LINGO1: variants seen among roughly 807,000 people sequenced by gnomAD.
LINGO1 encodes leucine rich repeat and Ig domain containing 1, also known as leucine-rich repeat and immunoglobulin-like domain-containing nogo receptor-interacting protein 1.
A neutral mutation model predicts 37.3 loss-of-function variants in LINGO1; 11 were observed. That is an observed-to-expected ratio of 0.29 (90% CI 0.19 to 0.49). The LOEUF is 0.49. Ranked by LOEUF, LINGO1 falls within the 20% of genes least tolerant of loss-of-function variation. The pLI, the probability that LINGO1 is intolerant of heterozygous loss-of-function variation, is 0.99. For synonymous variants in LINGO1, 387 were observed against 403.0 expected, an observed-to-expected ratio of 0.96 and a Z score of 0.48; for missense variants, 585 against 878.2, an observed-to-expected ratio of 0.67 and a Z score of 4.22.
chr15:77,714,799 C>T (rs995784930), intron 2 of LINGO1, among the ~76,000 whole-genome samples: 3 of 152,202 alleles, frequency 2.0e-5, no homozygotes, highest in Non-Finnish European at 4.4e-5. Context: ...CGTCTCTACG[C>T]GCCCACACAC....
intron 1 of LINGO1, among the ~76,000 whole-genome samples, chr15:77,807,467 C>T (rs1184346054): frequency 6.6e-6 from 1 of 152,198 alleles, no homozygotes; most frequent in African/African-American, 2.4e-5. Flanking sequence ...TTGCTTCAAA[C>T]GGATGTGCTC....
At chr15:77,628,416 A>T (rs571132455) in intron 1 of LINGO1, among the ~76,000 whole-genome samples, 24 of 152,374 alleles carry the variant, frequency 1.6e-4, no homozygotes, top group Non-Finnish European at 3.5e-4. Context: ...ATATAGATGA[A>T]GCTTAAATGT....
At chr15:77,716,188 C>T (rs2141301895) in intron 2 of LINGO1, among the ~76,000 whole-genome samples, 1 of 135,588 alleles carries the variant, frequency 7.4e-6, no homozygotes, top group Admixed American at 7.6e-5. Flanking sequence ...GATTTGTAGC[C>T]AGGCAGTGTG....
chr15:77,685,096 TGGGGAGTG>T (rs2075483037), intron 2 of LINGO1, among the ~76,000 whole-genome samples: 1 of 14,554 alleles, frequency 6.9e-5, no homozygotes, highest in Non-Finnish European at 1.3e-4. Context: ...GGGGTGGGTG[TGGGGAGTG>T]GGGGTAAGAG....
At position 77,669,767 on chromosome 15, in the gene LINGO1, C is replaced by T. The variant is rs143317626; in HGVS notation, c.-13+7322G>A. On this transcript the variant is annotated intron_variant, in intron 3 of 3. Transcript: ENST00000559893. The stretch of plus-strand genomic sequence containing the variant: ...GAGTGAAGGGGCAAAGATAATGCAA[C>T]AGCGAGTGGGCAGAACTCACAAACT... 1.3e-3 allele frequency among the ~76,000 whole-genome samples: 195 copies of T among 152,332 alleles called. 3 individuals are homozygous for T. Among genetic ancestry groups the T allele is most frequent in the Non-Finnish European group, 4.4e-4 (30 of 68,032 alleles).
In LINGO1 at chr15:77,614,121, C is replaced by A; in HGVS notation, c.1786G>T (p.Glu596Ter). The A allele has an allele frequency of 6.2e-7, 1 of 1,613,962 alleles. No homozygotes were observed. ...GCGTCCGACTTTCGGGGCACATACT[C>A]GATCTCGATGTTGTGCTTTGTGTTG... ...KGNTKHNIEI[E>*]YVPRKSDAGI... Residue 596 changes from glutamate (E) to a stop codon, truncating the protein, a stop_gained, in exon 2 of 2, where the codon GAG becomes TAG. Coordinates refer to ENST00000355300, the MANE Select transcript of LINGO1 (RefSeq NM_032808.7). LOFTEE classifies it high-confidence loss of function.
chr15:77,750,557 T>C (rs2076360907), intron 1 of LINGO1, among the ~76,000 whole-genome samples: 1 of 152,100 alleles, frequency 6.6e-6, no homozygotes, highest in South Asian at 2.1e-4. Flanking sequence ...TCTCTCCCTG[T>C]CTATCTCTCC....
At chr15:77,617,986 C>T (rs909898613) in intron 1 of LINGO1, among the ~76,000 whole-genome samples, 9 of 152,218 alleles carry the variant, frequency 5.9e-5, no homozygotes, top group African/African-American at 1.2e-4. Context: ...TCTCCCCACC[C>T]GACCCCCACC....
chr15:77,619,515 A>T (rs1339748334), intron 1 of LINGO1, among the ~76,000 whole-genome samples: 1 of 151,958 alleles, frequency 6.6e-6, no homozygotes, highest in Non-Finnish European at 1.5e-5. Context: ...TGAGATGCCC[A>T]TCTCCCACAG....
intron 2 of LINGO1, among the ~76,000 whole-genome samples, chr15:77,719,998 A>G (rs2076031739): frequency 1.3e-5 from 2 of 150,182 alleles, no homozygotes; most frequent in Admixed American, 1.3e-4. Flanking sequence ...CTATGCTCAA[A>G]GCTCTTGTTC....
At chr15:77,678,241 AC>A (rs1280466934) in intron 2 of LINGO1, among the ~76,000 whole-genome samples, 1 of 152,192 alleles carries the variant, frequency 6.6e-6, no homozygotes, top group Non-Finnish European at 1.5e-5. Flanking sequence ...ATGAGTTTTG[AC>A]AACTGCGTGT....
Position 77,757,901 on chromosome 15 carries a change from C to T in LINGO1, c.-256-22848G>A, listed in dbSNP as rs556558118. ...CATTAGCCCAGACCTGCTCGTTAAT[C>T]ACCGTGGGCCGCCTTTCCCTGCCTC... On this transcript the variant is annotated intron_variant, in intron 1 of 3. Coordinates refer to the LINGO1 transcript ENST00000561686. Among the ~76,000 whole-genome samples, 3 of 152,346 alleles carry T rather than the reference C, an allele frequency of 2.0e-5. No homozygotes were observed. In the South Asian group the frequency reaches 6.2e-4, roughly 32 times the overall value.
chr15:77,631,967 C>G (rs1227899492), intron 1 of LINGO1, among the ~76,000 whole-genome samples: 2 of 152,048 alleles, frequency 1.3e-5, no homozygotes, highest in Non-Finnish European at 2.9e-5. Flanking sequence ...CAGGGCTGAG[C>G]AGGGGGCTTA....
chr15:77,694,026 C>T (rs1395172692), intron 1 of LINGO1, among the ~76,000 whole-genome samples: 1 of 152,108 alleles, frequency 6.6e-6, no homozygotes, highest in Non-Finnish European at 1.5e-5. Flanking sequence ...AGCAGTGAGT[C>T]TCCTGTCCCT....
chr15:77,701,430 C>T (rs988972408), upstream of LINGO1, among the ~76,000 whole-genome samples: 2 of 152,142 alleles, frequency 1.3e-5, no homozygotes, highest in Non-Finnish European at 2.9e-5. Context: ...CAAAGCATCC[C>T]ACCTCCCTGG....
intron 3 of LINGO1, among the ~76,000 whole-genome samples, chr15:77,664,130 A>AGTGTGT (rs774494605): frequency 0.12 from 15,897 of 130,092 alleles, 1,138 homozygotes; most frequent in African/African-American, 0.14. Context: ...ACACAGGAGC[A>AGTGTGT]GTGTGTGTGT....
intron 3 of LINGO1, among the ~76,000 whole-genome samples, chr15:77,675,526 T>C (rs1266645148): frequency 1.3e-5 from 2 of 152,162 alleles, no homozygotes; most frequent in Non-Finnish European, 2.9e-5. Flanking sequence ...TGGAGCAATA[T>C]AACTAATATG....
intron 1 of LINGO1, among the ~76,000 whole-genome samples, chr15:77,745,126 A>T (rs1436795787): frequency 9.2e-6 from 1 of 108,258 alleles, no homozygotes. Context: ...ACTCTGTCTT[A>T]AAAAAAAAAA....
At chr15:77,801,369 T>C (rs1685275477) in intron 1 of LINGO1, among the ~76,000 whole-genome samples, 1 of 152,134 alleles carries the variant, frequency 6.6e-6, no homozygotes, top group Admixed American at 6.5e-5. Context: ...TGTATAACAA[T>C]AGAGAAAAAA....
Sources: gnomAD v4.1 joint callset for allele counts (sites outside exome capture counted in the v4.1 genomes callset) on GRCh38, gnomAD v4.1.1 for gene constraint, MANE v1.5 for transcripts, NCBI Gene and HGNC (gene_info 2026-07-23, HGNC 2026-07-21) for gene names.